The following CBFB variants were observed in gnomAD, a reference collection of about 807,000 sequenced individuals.
CBFB encodes the protein core-binding factor subunit beta.
A neutral mutation model predicts 30.4 loss-of-function variants in CBFB; 9 were observed. The ratio of observed to expected loss-of-function variants is 0.30; its 90% CI spans 0.18 to 0.52. The LOEUF (loss-of-function observed/expected upper bound fraction) is 0.52, where lower values mean the gene tolerates loss of function less well. Among genes scored for constraint, CBFB ranks in the 20% least tolerant of loss-of-function variants. The pLI, the probability that CBFB is intolerant of heterozygous loss-of-function variation, is 0.97. For missense variants in CBFB, 170 were observed against 244.0 expected (o/e 0.70, Z 2.02); for synonymous variants, 94 against 84.0 (o/e 1.12, Z -0.65).
rs138156654 is a variant in CBFB, at chr16:67,095,970, G to A, written c.496-2740G>A. Among the ~76,000 whole-genome samples, 308 of 151,802 alleles carry A rather than the reference G, an allele frequency of 2.0e-3. 4 individuals are homozygous for A. In the Middle Eastern group the frequency reaches 0.041, roughly 20 times the overall value. ...GCCTCCCAAAGTGCTGGGATTACTG[G>A]CATTGAGCCATTGCACCCAGCCGAC... On this transcript the variant is annotated intron_variant, in intron 5 of 5. Transcript: ENST00000412916.
intron 3 of CBFB, among the ~76,000 whole-genome samples, chr16:67,051,432 GTA>G (rs1318518479): frequency 3.3e-5 from 5 of 151,554 alleles, no homozygotes; most frequent in Admixed American, 1.3e-4. Flanking sequence ...CCAAATATAT[GTA>G]TATATATCCA....
At chr16:67,082,571 T>A (rs1883615715) in intron 5 of CBFB, among the ~76,000 whole-genome samples, 1 of 152,194 alleles carries the variant, frequency 6.6e-6, no homozygotes, top group Non-Finnish European at 1.5e-5. Flanking sequence ...TTCTCTTAAT[T>A]CATTTACTCA....
chr16:67,100,534 T>C lies in CBFB; in HGVS notation c.*1756T>C. ...ACAGCTCACATGTTTACACACTCAGTGCCCTAATTTCCCCTGAGGGAATCG... is the reference window on the plus strand; with the variant it reads ...ACAGCTCACATGTTTACACACTCAGCGCCCTAATTTCCCCTGAGGGAATCG... On this transcript the variant is annotated 3_prime_UTR_variant, in exon 6 of 6. Transcript: ENST00000412916. The C allele has an allele frequency of 4.4e-6, 1 of 228,152 alleles. No individual in the cohort carries two copies. Among genetic ancestry groups the C allele is most frequent in the Non-Finnish European group, 8.7e-6 (1 of 114,582 alleles). 14.1% of individuals were successfully genotyped at this position (228,152 alleles called of 1,614,324 possible). A position where few individuals can be genotyped will look rare whatever the true frequency, so the allele number is the denominator to read the frequency against.
chr16:67,096,349 A>C (rs1437588362), intron 5 of CBFB, among the ~76,000 whole-genome samples: 1 of 152,076 alleles, frequency 6.6e-6, no homozygotes, highest in East Asian at 1.9e-4. Context: ...ATTCATGGAA[A>C]GTACTTAGTA....
At chr16:67,038,871 T>G (rs1567605049) in intron 3 of CBFB, among the ~76,000 whole-genome samples, 5 of 152,312 alleles carry the variant, frequency 3.3e-5, no homozygotes, top group African/African-American at 1.2e-4. Flanking sequence ...CTTCCGGTAT[T>G]TAATAACTAG....
At chr16:67,032,494 C>T (rs970555739) in intron 2 of CBFB, among the ~76,000 whole-genome samples, 2 of 152,158 alleles carry the variant, frequency 1.3e-5, no homozygotes, top group Non-Finnish European at 2.9e-5. Flanking sequence ...AGGAATTTCA[C>T]GTTTCCTAGT....
rs1355350165 is a variant in CBFB at position 67,037,707 on chromosome 16, G to C, written c.282+952G>C. 2.2e-5 allele frequency among the ~76,000 whole-genome samples: 3 copies of C among 134,814 alleles called. No homozygotes were observed. The East Asian group carries it at 6.7e-4, about 30-fold the overall frequency. The allele number at this position is 134,814 out of a possible 152,430, so 88.4% of individuals were successfully genotyped here. On this transcript the variant is annotated intron_variant, in intron 3 of 5. Transcript: ENST00000412916. ...TTTTGAGATGGAGTCTCCCTCTGTT[G>C]CCCAGGCTGGAGTGCAGTGGTGTGA...
At chr16:67,054,472 A>AT (rs1333309901) in intron 3 of CBFB, among the ~76,000 whole-genome samples, 3 of 152,168 alleles carry the variant, frequency 2.0e-5, no homozygotes, top group Admixed American at 6.5e-5. Context: ...GTCCACAGTC[A>AT]TTCCTTGTGC....
intron 3 of CBFB, among the ~76,000 whole-genome samples, chr16:67,060,650 G>GGTTCAAACGATTCTCCTGC (rs1960885626): frequency 6.6e-6 from 1 of 152,112 alleles, no homozygotes; most frequent in Admixed American, 6.6e-5. Flanking sequence ...CCGCCTCCTG[G>GGTTCAAACGATTCTCCTGC]GTTCAAACGA....
intron 3 of CBFB, among the ~76,000 whole-genome samples, chr16:67,064,798 TG>T (rs1463454205): frequency 6.6e-6 from 1 of 152,214 alleles, no homozygotes; most frequent in African/African-American, 2.4e-5. Context: ...TGAAAAAGAA[TG>T]GTGCAGAAAT....
At chr16:67,031,555 G>A (rs1966348259) in intron 2 of CBFB, among the ~76,000 whole-genome samples, 1 of 152,222 alleles carries the variant, frequency 6.6e-6, no homozygotes, top group Non-Finnish European at 1.5e-5. Context: ...TGTTACCCAG[G>A]CTGGAAGCAC....
At chr16:67,060,718 G>A (rs980455413) in intron 3 of CBFB, among the ~76,000 whole-genome samples, 2 of 152,052 alleles carry the variant, frequency 1.3e-5, no homozygotes, top group African/African-American at 4.8e-5. Flanking sequence ...ACCACGCCCA[G>A]CTAATTTTGT....
intron 5 of CBFB, among the ~76,000 whole-genome samples, chr16:67,095,495 G>C (rs577831154): frequency 1.3e-5 from 2 of 152,118 alleles, no homozygotes; most frequent in East Asian, 3.9e-4. Flanking sequence ...CCAGCCTGGC[G>C]ACAGAGCAAA....
intron 5 of CBFB, among the ~76,000 whole-genome samples, chr16:67,094,544 T>C (rs999734716): frequency 1.3e-5 from 2 of 152,236 alleles, no homozygotes; most frequent in South Asian, 4.1e-4. Context: ...AAATTATTTT[T>C]GCCCCAAGAC....
chr16:67,070,742 T>C (rs920515495), intron 4 of CBFB, among the ~76,000 whole-genome samples: 2 of 151,146 alleles, frequency 1.3e-5, no homozygotes, highest in African/African-American at 4.9e-5. Context: ...ACCCAGCTAC[T>C]CAGGAAGCTG....
chr16:67,030,180 C>T (rs1489325123), intron 2 of CBFB: 1 of 195,846 alleles, frequency 5.1e-6, no homozygotes, highest in East Asian at 1.4e-4. Context: ...CATTCAAGGT[C>T]GGCGATAGTT....
intron 3 of CBFB, among the ~76,000 whole-genome samples, chr16:67,041,954 C>CTGGA (rs1012844456): frequency 6.7e-6 from 1 of 148,692 alleles, no homozygotes; most frequent in African/African-American, 2.5e-5. Context: ...TGTTGCCAGG[C>CTGGA]TGGAGTACAG....
chr16:67,079,515 C>CTTTTTTTTTTTTTTTTTTTT (rs34164177), intron 4 of CBFB, among the ~76,000 whole-genome samples: 3 of 98,666 alleles, frequency 3.0e-5, no homozygotes, highest in Non-Finnish European at 6.0e-5. Flanking sequence ...GGCCCTGGGT[C>CTTTTTTTTTTTTTTTTTTTT]TTTTTTTTTT....
intron 4 of CBFB, among the ~76,000 whole-genome samples, chr16:67,072,883 T>C (rs1961268228): frequency 1.3e-5 from 2 of 152,074 alleles, no homozygotes; most frequent in South Asian, 2.1e-4. Context: ...GGCTAATTTT[T>C]TTTATCTTTT....
Sources: allele counts gnomAD v4.1 joint callset (sites outside exome capture counted in the v4.1 genomes callset), GRCh38; gene constraint gnomAD v4.1.1; transcripts MANE v1.5; gene names NCBI Gene and HGNC (gene_info 2026-07-23, HGNC 2026-07-21).